The following LIPE variants were observed in gnomAD, a reference collection of about 807,000 sequenced individuals.
The protein encoded by LIPE is hormone-sensitive lipase.
A neutral mutation model predicts 88.5 loss-of-function variants in LIPE; 66 were observed. That is an observed-to-expected ratio of 0.75 (90% CI 0.61 to 0.91). The LOEUF (loss-of-function observed/expected upper bound fraction) is 0.91. Among genes scored for constraint, LIPE ranks in the 40% least tolerant of loss-of-function variants. LIPE has a pLI of 0.00. For missense variants in LIPE, 1,346 were observed against 1,434.7 expected (o/e 0.94, Z 1.00); for synonymous variants, 570 against 617.5 (o/e 0.92, Z 1.14).
intron 1 of LIPE, chr19:42,424,437 G>A (rs546042971): frequency 2.2e-6 from 1 of 456,284 alleles, no homozygotes; most frequent in African/African-American, 2.0e-5. Flanking sequence ...CGCCGCGGTG[G>A]TGTGGGGCGG....
At position 42,407,143 on chromosome 19, in the gene LIPE, G is replaced by T; in HGVS notation, c.2137+31C>A. ...AGCAAGCTGGGTGGGATGGGAGCAG[G>T]CGCAGGTGGCTGTGGGGGCCTGAGG... is the stretch of plus-strand genomic sequence containing the variant. On this transcript the variant is annotated intron_variant, in intron 6 of 9. Transcript: ENST00000244289. The surrounding 1 kb of genome is among the most constrained non-coding windows in gnomAD (Gnocchi z 5.8). 6.8e-7 allele frequency: 1 copy of T among 1,468,612 alleles called. No homozygotes were observed. The allele number at this position is 1,468,612 out of a possible 1,614,324, so 91.0% of individuals were successfully genotyped here. A position where few individuals can be genotyped will look rare whatever the true frequency, so the allele number is the denominator to read the frequency against.
At position 42,423,390 on chromosome 19, in the gene LIPE, C is replaced by T; in HGVS notation, c.883+2877G>A. On this transcript the variant is annotated intron_variant, in intron 1 of 9. Transcript: ENST00000244289. ...CCCGTAGGATGTACGAGGTTCCTTC[C>T]GGGCTGCTGCCGGTCTCCGCGCGCT... 6 of 1,287,226 alleles carry T rather than the reference C, an allele frequency of 4.7e-6. No homozygotes were observed. The South Asian group carries it at 7.4e-5, about 16-fold the overall frequency. 79.7% of individuals were successfully genotyped at this position (1,287,226 alleles called of 1,614,324 possible).
intron 1 of LIPE, chr19:42,424,374 G>A (rs944788937): frequency 2.2e-6 from 1 of 456,634 alleles, no homozygotes; most frequent in Non-Finnish European, 4.4e-6. Context: ...GGACCGCCTT[G>A]CTCACACGCA....
At position 42,401,572 on chromosome 19, in the gene LIPE, C is replaced by T. The variant is rs1179709768; in HGVS notation, c.*240G>A. On this transcript the variant is annotated 3_prime_UTR_variant, in exon 10 of 10. Transcript: ENST00000244289. ...CGACCTGCAAGGGAGGGCCAGTCCCCGTCCCTGCGGCGGTCGCCGCAGCAG... is the reference window on the plus strand; with the variant it reads ...CGACCTGCAAGGGAGGGCCAGTCCCTGTCCCTGCGGCGGTCGCCGCAGCAG... The T allele has an allele frequency of 4.0e-6, 2 of 497,728 alleles. No individual in the cohort carries two copies. The highest frequency in any genetic ancestry group is 3.5e-5 in the East Asian group (1 of 28,528). The allele number at this position is 497,728 out of a possible 1,614,324, so 30.8% of individuals were successfully genotyped here. A position where few individuals can be genotyped will look rare whatever the true frequency, so the allele number is the denominator to read the frequency against.
intron 8 of LIPE, among the ~76,000 whole-genome samples, 183 bp from the exon 9 acceptor site, chr19:42,403,214 C>A (rs2040048080): frequency 7.6e-6 from 1 of 130,816 alleles, no homozygotes; most frequent in African/African-American, 2.9e-5. Context: ...GGGGTCTTGG[C>A]AGTGGGGCAG....
Position 42,405,474 on chromosome 19 carries a change from C to T in LIPE, c.2453G>A (p.Arg818Gln), listed in dbSNP as rs191855430. The T allele has an allele frequency of 5.4e-5, 87 of 1,614,064 alleles. No individual in the cohort carries two copies. The highest frequency in any genetic ancestry group is 1.1e-4 in the East Asian group (5 of 44,886). The change falls in exon 8 of 10, where the codon CGA (arginine) becomes CAA (glutamine). Residue 818 changes from arginine to glutamine, a missense_variant. Physicochemically the swap from Arg to Gln is conservative, Grantham distance 43 (BLOSUM62 1). Coordinates refer to ENST00000244289, the MANE Select transcript of LIPE (RefSeq NM_005357.4). ...TGAGGAGGCACCCAGGCGGAAGTCT[C>T]GGAGGAGCAGGGCTGTGTCCCGCCG... Reference protein sequence around the residue: ...LVRRDTALLLRDFRLGASSWL... With the variant: ...LVRRDTALLLQDFRLGASSWL...
In LIPE at chr19:42,407,974, A is replaced by G. The variant is rs112310363; in HGVS notation, c.1656+2T>C. ...GTGTCCCCATCTGCAACAGGCCCTCACCGATAGCACTTCCATCTCGGTGAT... is the reference window on the plus strand; with the variant it reads ...GTGTCCCCATCTGCAACAGGCCCTCGCCGATAGCACTTCCATCTCGGTGAT... On this transcript the variant is annotated splice_donor_variant, in intron 4 of 9. Coordinates refer to ENST00000244289, the MANE Select transcript of LIPE (RefSeq NM_005357.4). LOFTEE classifies it high-confidence loss of function. The surrounding 1 kb of genome is among the most constrained non-coding windows in gnomAD (Gnocchi z 5.8). 6.2e-7 allele frequency: 1 copy of G among 1,611,038 alleles called. No homozygotes were observed. Among genetic ancestry groups the G allele is most frequent in the African/African-American group, 1.3e-5 (1 of 74,366 alleles).
intron 1 of LIPE, chr19:42,424,787 C>T (rs2040677711): frequency 2.8e-6 from 1 of 360,166 alleles, no homozygotes; most frequent in Non-Finnish European, 5.5e-6. Context: ...AACTTGTATT[C>T]CCCCCTTCTC....
intron 1 of LIPE, among the ~76,000 whole-genome samples, chr19:42,415,773 G>T (rs916248545): frequency 6.6e-6 from 1 of 151,282 alleles, no homozygotes; most frequent in African/African-American, 2.4e-5. Context: ...TCGCGCCACT[G>T]CACTCCAGCC....
rs778363039 is a variant in LIPE, at chr19:42,426,386, G to C, written c.764C>G (p.Ala255Gly). The stretch of plus-strand genomic sequence containing the variant: ...TTTGAAGCCTAGCTTCACTCCCTGG[G>C]CCACCATTCCACCCATCGTGGCTGG... ...DSPATMGGMV[A>G]QGVKLGFKGK... Residue 255 changes from alanine to glycine, a missense_variant, in exon 1 of 10, where the codon GCC (alanine) becomes GGC (glycine). By Grantham distance (60) the Ala-to-Gly change is moderately conservative. Transcript: ENST00000244289. The C allele has an allele frequency of 6.2e-7, 1 of 1,613,930 alleles. No homozygotes were observed. Among genetic ancestry groups the C allele is most frequent in the Non-Finnish European group, 8.5e-7 (1 of 1,179,966 alleles).
At chr19:42,424,791 C>T (rs1019532088) in intron 1 of LIPE, 8 of 359,680 alleles carry the variant, frequency 2.2e-5, no homozygotes, top group African/African-American at 1.5e-4. Context: ...TGTATTCCCC[C>T]CTTCTCCATG....
chr19:42,423,207 G>T (rs1427989008), intron 1 of LIPE: 3 of 303,770 alleles, frequency 9.9e-6, no homozygotes, highest in Non-Finnish European at 1.9e-5. Flanking sequence ...GCCGATCCGG[G>T]CGTCAGCTAG....
In LIPE at chr19:42,421,360, C is replaced by T. The variant is rs960108850; in HGVS notation, c.883+4907G>A. Among the ~76,000 whole-genome samples, 6 of 152,200 alleles carry T rather than the reference C, an allele frequency of 3.9e-5. No individual in the cohort carries two copies. The South Asian group carries it at 6.2e-4, about 16-fold the overall frequency. On this transcript the variant is annotated intron_variant, in intron 1 of 9. Coordinates refer to ENST00000244289, the MANE Select transcript of LIPE (RefSeq NM_005357.4). ...TGCCTGCCCCCTGCACAGCACTTAA[C>T]GCCTGTCCATCTTGGGTCCAATATT...
At chr19:42,412,759 C>T (rs966209034) in intron 1 of LIPE, among the ~76,000 whole-genome samples, 5 of 152,202 alleles carry the variant, frequency 3.3e-5, no homozygotes, top group African/African-American at 9.7e-5. Context: ...GCCAGGCTGC[C>T]CTCTCTGTCC....
chr19:42,420,971 T>A (rs2040587189), intron 1 of LIPE, among the ~76,000 whole-genome samples: 1 of 152,098 alleles, frequency 6.6e-6, no homozygotes. Flanking sequence ...CGATCACAGC[T>A]CACTGCAGCC....
At chr19:42,426,140 TGATC>T in intron 1 of LIPE, 123 bp downstream of exon 1, 2 of 678,804 alleles carry the variant, frequency 2.9e-6, no homozygotes, top group Non-Finnish European at 4.4e-6. Context: ...ATGGGGATGT[TGATC>T]TTTATCTCAG....
chr19:42,419,544 G>A (rs2147660969), intron 1 of LIPE, among the ~76,000 whole-genome samples: 1 of 152,356 alleles, frequency 6.6e-6, no homozygotes, highest in East Asian at 1.9e-4. Context: ...CGTGGGTAAG[G>A]ACTAGGGGAG....
rs1416141782 is a variant in LIPE, at chr19:42,407,153, C to T, written c.2137+21G>A. On this transcript the variant is annotated intron_variant, in intron 6 of 9. Transcript: ENST00000244289. The surrounding 1 kb of genome is among the most constrained non-coding windows in gnomAD (Gnocchi z 5.8). ...GTGGGATGGGAGCAGGCGCAGGTGG[C>T]TGTGGGGGCCTGAGGCTCACCAAGG... is the stretch of plus-strand genomic sequence containing the variant. 15 of 1,473,084 alleles carry T rather than the reference C, an allele frequency of 1.0e-5. No individual in the cohort carries two copies. Among genetic ancestry groups the T allele is most frequent in the Non-Finnish European group, 1.8e-6 (2 of 1,110,322 alleles). 91.3% of individuals were successfully genotyped at this position (1,473,084 alleles called of 1,614,324 possible).
intron 1 of LIPE, chr19:42,424,585 G>T (rs1364725516): frequency 1.3e-5 from 6 of 456,196 alleles, no homozygotes; most frequent in Admixed American, 1.2e-4. Flanking sequence ...CAGCCCCGGC[G>T]CTGAGAAACG....
Sources: allele counts gnomAD v4.1 joint callset (sites outside exome capture counted in the v4.1 genomes callset), GRCh38; gene constraint gnomAD v4.1.1; non-coding constraint Gnocchi (gnomAD v3.1); transcripts MANE v1.5; gene names NCBI Gene and HGNC (gene_info 2026-07-23, HGNC 2026-07-21).